The following GRIN2A variants were observed in gnomAD, a reference collection of about 807,000 sequenced individuals.
The protein encoded by GRIN2A is glutamate ionotropic receptor NMDA type subunit 2A.
Under a neutral mutation model 113.4 loss-of-function variants are expected in GRIN2A, and 22 were observed. That is an observed-to-expected ratio of 0.19 (90% CI 0.14 to 0.28). GRIN2A has a LOEUF of 0.28. Among genes scored for constraint, GRIN2A ranks in the 10% least tolerant of loss-of-function variants. The pLI is 1.00. For missense variants in GRIN2A, 1,502 were observed against 1,887.0 expected (o/e 0.80, Z 3.78); for synonymous variants, 827 against 738.4 (o/e 1.12, Z -1.94).
intron 5 of GRIN2A, among the ~76,000 whole-genome samples, chr16:9,844,528 T>C (rs1343968926): frequency 1.3e-5 from 2 of 152,168 alleles, no homozygotes; most frequent in Non-Finnish European, 2.9e-5. Flanking sequence ...CCATGTGATC[T>C]CTCTTAGTGC....
At chr16:10,016,863 A>G (rs559961870) in intron 2 of GRIN2A, among the ~76,000 whole-genome samples, 68 of 152,286 alleles carry the variant, frequency 4.5e-4, no homozygotes, top group Middle Eastern at 3.4e-3. Context: ...CATCACTCAC[A>G]TGAGCAGCAG....
chr16:10,122,600 C>T (rs1375068), intron 2 of GRIN2A, among the ~76,000 whole-genome samples: 1 of 151,700 alleles, frequency 6.6e-6, no homozygotes, highest in Non-Finnish European at 1.5e-5. Context: ...TTTTGTCCCC[C>T]ACCCCCCCAA....
chr16:10,132,457 C>G (rs1296657625), intron 2 of GRIN2A, among the ~76,000 whole-genome samples: 3 of 152,068 alleles, frequency 2.0e-5, no homozygotes, highest in Non-Finnish European at 4.4e-5. Flanking sequence ...TAAACAGGTG[C>G]TATACCACTT....
Position 9,843,046 on chromosome 16 carries a change from AAG to A in GRIN2A, c.1329-1944_1329-1943del, listed in dbSNP as rs971200024. On this transcript the variant is annotated intron_variant, in intron 5 of 12. Transcript: ENST00000330684. ...GGAGAGGGAGAGATAGAAAGAAAGA[AAG>A]AGAGAGAGAGAAAGAGAGGGAGGGA... Among the ~76,000 whole-genome samples the A allele has an allele frequency of 1.5e-4, 22 of 149,334 alleles. No individual in the cohort carries two copies. In the East Asian group the frequency reaches 3.5e-3, roughly 24 times the overall value.
rs1900472249 is a variant in GRIN2A, at chr16:9,759,063, A to ATT, written c.*4084_*4085dup. ...AACAACGCATGTCCCCTTTTCAAGG[A>ATT]TTCATGCACAACAGCTATGCACAAA... On this transcript the variant is annotated 3_prime_UTR_variant, in exon 13 of 13. Coordinates refer to ENST00000330684, the MANE Select transcript of GRIN2A (RefSeq NM_001134407.3). 1 of 219,878 alleles carries ATT rather than the reference A, an allele frequency of 4.5e-6. No individual in the cohort carries two copies. Among genetic ancestry groups the ATT allele is most frequent in the Admixed American group, 5.8e-5 (1 of 17,346 alleles). 13.6% of individuals were successfully genotyped at this position (219,878 alleles called of 1,614,324 possible). A position where few individuals can be genotyped will look rare whatever the true frequency, so the allele number is the denominator to read the frequency against.
At chr16:9,785,620 C>T (rs1212817817) in intron 11 of GRIN2A, among the ~76,000 whole-genome samples, 1 of 151,468 alleles carries the variant, frequency 6.6e-6, no homozygotes, top group Non-Finnish European at 1.5e-5. Flanking sequence ...GTAAAGGGAG[C>T]AAATGCCTGC....
intron 4 of GRIN2A, among the ~76,000 whole-genome samples, chr16:9,872,348 T>G (rs1292813468): frequency 6.6e-6 from 1 of 152,150 alleles, no homozygotes; most frequent in Non-Finnish European, 1.5e-5. Context: ...GCCAGCCCAC[T>G]TTTCCTGACC....
At chr16:10,060,171 A>G (rs2047526615) in intron 2 of GRIN2A, among the ~76,000 whole-genome samples, 1 of 152,184 alleles carries the variant, frequency 6.6e-6, no homozygotes, top group Non-Finnish European at 1.5e-5. Context: ...CATATAGAAC[A>G]GAGAAGGGAA....
chr16:9,880,461 G>T (rs953798602), intron 4 of GRIN2A, among the ~76,000 whole-genome samples: 1 of 152,132 alleles, frequency 6.6e-6, no homozygotes, highest in Non-Finnish European at 1.5e-5. Context: ...TTTTAAAGGG[G>T]TCATGTGATT....
chr16:9,874,734 T>TA (rs1026909165), intron 4 of GRIN2A, among the ~76,000 whole-genome samples: 1 of 152,200 alleles, frequency 6.6e-6, no homozygotes, highest in African/African-American at 2.4e-5. Context: ...CTCAGTTTCT[T>TA]CATATGTAAC....
Position 9,758,281 on chromosome 16 carries a change from G to A in GRIN2A, c.*4868C>T. The A allele has an allele frequency of 4.5e-6, 1 of 223,828 alleles. No individual in the cohort carries two copies. The highest frequency in any genetic ancestry group is 8.9e-6 in the Non-Finnish European group (1 of 112,076). 13.9% of individuals were successfully genotyped at this position (223,828 alleles called of 1,614,324 possible). ...ATAGGAAATCTATGCCCTTTGATGT[G>A]TTTAAGGAAATCACACACAAGTCCA... On this transcript the variant is annotated 3_prime_UTR_variant, in exon 13 of 13. Transcript: ENST00000330684.
intron 2 of GRIN2A, among the ~76,000 whole-genome samples, chr16:9,958,666 C>T (rs868734165): frequency 1.4e-4 from 22 of 152,192 alleles, no homozygotes; most frequent in African/African-American, 4.8e-4. Context: ...GGAAAGAATG[C>T]TTGCTGTGTA....
At chr16:10,117,186 T>C (rs1193376685) in intron 2 of GRIN2A, among the ~76,000 whole-genome samples, 1 of 152,212 alleles carries the variant, frequency 6.6e-6, no homozygotes, top group African/African-American at 2.4e-5. Context: ...GCTCTAGTTG[T>C]TGGCTCCAAT....
At chr16:9,792,321 C>T (rs1312843107) in intron 11 of GRIN2A, among the ~76,000 whole-genome samples, 2 of 152,120 alleles carry the variant, frequency 1.3e-5, no homozygotes, top group Non-Finnish European at 2.9e-5. Flanking sequence ...CTCCTGAGCT[C>T]AAGCAATCCT....
intron 12 of GRIN2A, among the ~76,000 whole-genome samples, chr16:9,768,289 T>G (rs1042788332): frequency 2.6e-5 from 4 of 152,140 alleles, no homozygotes; most frequent in Admixed American, 6.5e-5. Context: ...CCTGACCTCG[T>G]GATCCGCCCG....
chr16:10,137,367 T>G (rs2049217532), intron 2 of GRIN2A, among the ~76,000 whole-genome samples: 1 of 152,176 alleles, frequency 6.6e-6, no homozygotes, highest in Admixed American at 6.5e-5. Flanking sequence ...TAAAGTCACA[T>G]TCTTGCCCCC....
At chr16:9,877,879 C>G (rs1349724314) in intron 4 of GRIN2A, among the ~76,000 whole-genome samples, 2 of 134,660 alleles carry the variant, frequency 1.5e-5, no homozygotes, top group East Asian at 4.3e-4. Context: ...TCTCCCCCAA[C>G]TCTCTCTCTC....
intron 2 of GRIN2A, among the ~76,000 whole-genome samples, chr16:10,098,382 G>C (rs1007233335): frequency 6.6e-6 from 1 of 152,198 alleles, no homozygotes; most frequent in African/African-American, 2.4e-5. Flanking sequence ...AACCACTATG[G>C]AAAACAGTGT....
intron 2 of GRIN2A, among the ~76,000 whole-genome samples, chr16:10,100,767 G>A (rs559284019): frequency 8.5e-5 from 13 of 152,246 alleles, no homozygotes; most frequent in Non-Finnish European, 1.3e-4. Context: ...GATGATTAGC[G>A]CCCAGAAAGT....
Sources: allele counts gnomAD v4.1 joint callset (sites outside exome capture counted in the v4.1 genomes callset), GRCh38; gene constraint gnomAD v4.1.1; transcripts MANE v1.5; gene names NCBI Gene and HGNC (gene_info 2026-07-23, HGNC 2026-07-21).